PLB1: variants seen among roughly 807,000 people sequenced by gnomAD.
PLB1 encodes the protein phospholipase B1, membrane-associated.
In PLB1, 242 loss-of-function variants were observed where a neutral mutation model predicts 227.4. The ratio of observed to expected loss-of-function variants is 1.06; its 90% CI spans 0.96 to 1.18. The LOEUF (loss-of-function observed/expected upper bound fraction) is 1.18, where lower values mean the gene tolerates loss of function less well. Among genes scored for constraint, PLB1 ranks in the 50% most tolerant of loss-of-function variants. PLB1 has a pLI of 0.00. For missense variants in PLB1, 1,858 were observed against 1,816.3 expected (o/e 1.02, Z -0.42); for synonymous variants, 757 against 682.2 (o/e 1.11, Z -1.71).
chr2:28,549,000 T>C, intron 15 of PLB1, 69 bp downstream of exon 15: 1 of 1,434,050 alleles, frequency 7.0e-7, no homozygotes, highest in Non-Finnish European at 9.8e-7. Flanking sequence ...CCAAGTGGGC[T>C]TTGCTGTGAA....
chr2:28,619,475 A>C (rs974844741), intron 46 of PLB1, among the ~76,000 whole-genome samples: 4 of 151,496 alleles, frequency 2.6e-5, no homozygotes, highest in African/African-American at 9.7e-5. Flanking sequence ...CGTTTGTTTA[A>C]ATATTTGTAT....
At chr2:28,631,914 T>C in intron 54 of PLB1, 122 bp from the exon 55 acceptor site, 1 of 767,170 alleles carries the variant, frequency 1.3e-6, no homozygotes, top group Non-Finnish European at 2.3e-6. Context: ...GAGTAGCCCC[T>C]TAAAGTCACT....
intron 49 of PLB1, among the ~76,000 whole-genome samples, chr2:28,622,764 T>A (rs1006978273): frequency 1.3e-5 from 2 of 152,150 alleles, no homozygotes; most frequent in African/African-American, 4.8e-5. Flanking sequence ...TACACGCCTG[T>A]AATCCCAGCT....
At chr2:28,582,267 C>G in intron 24 of PLB1, 134 bp downstream of exon 24, 1 of 1,216,876 alleles carries the variant, frequency 8.2e-7, no homozygotes, top group African/African-American at 1.5e-5. Context: ...AGAGGGGGAG[C>G]AGGGACGGGT....
At chr2:28,642,348 G>A (rs994598038) in intron 57 of PLB1, among the ~76,000 whole-genome samples, 2 of 141,236 alleles carry the variant, frequency 1.4e-5, no homozygotes, top group East Asian at 4.2e-4. Context: ...ACTGAGAGGA[G>A]AGTGGAGAGG....
chr2:28,632,883 AGT>A, intron 55 of PLB1, 59 bp from the exon 56 acceptor site: 6 of 1,241,928 alleles, frequency 4.8e-6, no homozygotes, highest in Non-Finnish European at 5.9e-6. Context: ...TGGGAGAGTG[AGT>A]GGGGCTCAGG....
At chr2:28,628,185 A>G (rs1039282366) in intron 51 of PLB1, among the ~76,000 whole-genome samples, 2 of 152,178 alleles carry the variant, frequency 1.3e-5, no homozygotes, top group Non-Finnish European at 2.9e-5. Flanking sequence ...CCAAAGCCCA[A>G]AGGAAAAAGG....
chr2:28,537,135 C>T (rs977494652), intron 9 of PLB1, among the ~76,000 whole-genome samples: 1 of 152,150 alleles, frequency 6.6e-6, no homozygotes, highest in African/African-American at 2.4e-5. Flanking sequence ...CTCCCAGAAG[C>T]CAGCCTCACA....
At chr2:28,556,186 T>C (rs1369565667) in intron 17 of PLB1, among the ~76,000 whole-genome samples, 2 of 152,160 alleles carry the variant, frequency 1.3e-5, no homozygotes, top group Admixed American at 1.3e-4. Context: ...AAAACCTTCT[T>C]TATAGTCTCA....
intron 32 of PLB1, 139 bp downstream of exon 32, chr2:28,592,858 C>A: frequency 1.4e-6 from 1 of 715,010 alleles, no homozygotes; most frequent in Non-Finnish European, 2.3e-6. Flanking sequence ...CAAGAGCATG[C>A]CAGTTATTTG....
chr2:28,627,174 C>T (rs991476452), intron 51 of PLB1, among the ~76,000 whole-genome samples: 5 of 152,190 alleles, frequency 3.3e-5, no homozygotes, highest in African/African-American at 1.2e-4. Context: ...CTCCTTGTGG[C>T]TCACAGAGGC....
chr2:28,550,056 G>A lies in PLB1; in HGVS notation c.1055G>A (p.Arg352Lys), dbSNP rs956990186. Residue 352 changes from arginine to lysine, a missense_variant, in exon 16 of 58, where the codon AGA (arginine) becomes AAA (lysine). By Grantham distance (26) the Arg-to-Lys change is conservative (BLOSUM62 2). Transcript: ENST00000327757. ...FSYRNSNYLT[R>K]LQKPQDKLEV... The stretch of plus-strand genomic sequence containing the variant: ...TACAGAAACAGCAACTACCTGACCA[G>A]ACTGCAGAAACCCCAAGACAAGCTT... 3.1e-6 allele frequency: 5 copies of A among 1,613,278 alleles called. No homozygotes were observed. Among genetic ancestry groups the A allele is most frequent in the Non-Finnish European group, 4.2e-6 (5 of 1,179,456 alleles).
At chr2:28,507,650 A>G (rs1667780381) in intron 1 of PLB1, among the ~76,000 whole-genome samples, 1 of 152,198 alleles carries the variant, frequency 6.6e-6, no homozygotes, top group Admixed American at 6.5e-5. Flanking sequence ...TGCAAAAGTA[A>G]GGCATCCCCT....
rs145920437 is a variant in PLB1, at chr2:28,589,233, A to G, written c.1816-217A>G. ...CCTTTTCACAGACTAGCTCAAATAT[A>G]TGCAATCGCAGCAGAGTTTGGGGCC... On this transcript the variant is annotated intron_variant, in intron 26 of 57. Coordinates refer to ENST00000327757, the MANE Select transcript of PLB1 (RefSeq NM_153021.5). 7.2e-3 allele frequency among the ~76,000 whole-genome samples: 1,091 copies of G among 152,192 alleles called. 12 individuals are homozygous for G. The highest frequency in any genetic ancestry group is 0.013 in the Non-Finnish European group (854 of 68,010).
chr2:28,570,983 A>G (rs1045114115), intron 20 of PLB1, among the ~76,000 whole-genome samples: 1 of 152,172 alleles, frequency 6.6e-6, no homozygotes, highest in African/African-American at 2.4e-5. Flanking sequence ...CACACTGCCC[A>G]TGGCAGTTAG....
intron 1 of PLB1, among the ~76,000 whole-genome samples, chr2:28,507,545 C>A (rs537325999): frequency 3.9e-5 from 6 of 152,298 alleles, no homozygotes; most frequent in Non-Finnish European, 7.4e-5. Flanking sequence ...ACACCTCCTA[C>A]CACTGCTACA....
In PLB1 at chr2:28,529,654, G is replaced by T. The variant is rs959398722; in HGVS notation, c.417-74G>T. 4.5e-5 allele frequency: 66 copies of T among 1,457,870 alleles called. No homozygotes were observed. The South Asian group carries it at 5.9e-4, about 13-fold the overall frequency. The allele number at this position is 1,457,870 out of a possible 1,614,324, so 90.3% of individuals were successfully genotyped here. A position where few individuals can be genotyped will look rare whatever the true frequency, so the allele number is the denominator to read the frequency against. The stretch of plus-strand genomic sequence containing the variant: ...CTTAGAGACTGACACCTGAGCTATG[G>T]CAAGGGGCAAGCTTCCAGCCCTTAA... On this transcript the variant is annotated intron_variant, in intron 7 of 57. Coordinates refer to ENST00000327757, the MANE Select transcript of PLB1 (RefSeq NM_153021.5).
intron 26 of PLB1, among the ~76,000 whole-genome samples, chr2:28,588,948 G>A (rs1031670483): frequency 6.6e-5 from 10 of 151,872 alleles, no homozygotes; most frequent in South Asian, 2.1e-4. Flanking sequence ...GGTGGATCAC[G>A]AGGTCAGGAG....
intron 56 of PLB1, among the ~76,000 whole-genome samples, chr2:28,637,023 G>A (rs1474043918): frequency 6.6e-6 from 1 of 152,220 alleles, no homozygotes; most frequent in Non-Finnish European, 1.5e-5. Context: ...GCCGGGTACA[G>A]TGGCTCACAC....
Sources: gnomAD v4.1 joint callset for allele counts (sites outside exome capture counted in the v4.1 genomes callset) on GRCh38, gnomAD v4.1.1 for gene constraint, MANE v1.5 for transcripts, NCBI Gene and HGNC (gene_info 2026-07-23, HGNC 2026-07-21) for gene names.